The following CSMD1 variants were observed in gnomAD, a reference collection of about 807,000 sequenced individuals.
CSMD1 encodes the protein CUB and Sushi multiple domains 1, also known as CUB and sushi domain-containing protein 1.
In CSMD1, 213 loss-of-function variants were observed where a neutral mutation model predicts 417.5. The observed-to-expected ratio is 0.51, with a 90% CI of 0.46 to 0.57. The LOEUF is 0.57. CSMD1 is among the 20% of genes least tolerant of loss of function. CSMD1 has a pLI of 0.00. For synonymous variants in CSMD1, 2,862 were observed against 1,736.8 expected (o/e 1.65, Z -16.11); for missense variants, 6,923 against 4,529.7 (o/e 1.53, Z -15.17).
At chr8:3,414,699 G>C (rs1349168343) in intron 12 of CSMD1, among the ~76,000 whole-genome samples, 1 of 152,100 alleles carries the variant, frequency 6.6e-6, no homozygotes, top group Non-Finnish European at 1.5e-5. Flanking sequence ...TTTCTCCTAG[G>C]ACATATCTCG....
chr8:3,949,795 C>T (rs1355851091), intron 5 of CSMD1, among the ~76,000 whole-genome samples: 1 of 152,146 alleles, frequency 6.6e-6, no homozygotes, highest in Non-Finnish European at 1.5e-5. Flanking sequence ...TTGCCTCTAA[C>T]ACATGGAAAG....
rs1802702711 is a variant in CSMD1 at position 4,125,370 on chromosome 8, A to T, written c.416-93271T>A. Among the ~76,000 whole-genome samples, 6 of 152,290 alleles carry T rather than the reference A, an allele frequency of 3.9e-5. No individual in the cohort carries two copies. The South Asian group carries it at 1.2e-3, about 32-fold the overall frequency. Reference sequence around the variant, plus strand: ...TGTCTCTCACCTACTTGTGACCTGCAGGTCCCCTCCCTGCTCCAGTTGTCC... The same window carrying T: ...TGTCTCTCACCTACTTGTGACCTGCTGGTCCCCTCCCTGCTCCAGTTGTCC... On this transcript the variant is annotated intron_variant, in intron 3 of 69. Transcript: ENST00000635120.
chr8:3,544,309 C>G (rs1042218440), intron 10 of CSMD1, among the ~76,000 whole-genome samples: 25 of 152,188 alleles, frequency 1.6e-4, no homozygotes, highest in African/African-American at 4.6e-4. Context: ...AATATAGATT[C>G]TTGCAAAATA....
chr8:4,405,159 C>T (rs955097584), intron 3 of CSMD1, among the ~76,000 whole-genome samples: 5 of 152,162 alleles, frequency 3.3e-5, no homozygotes, highest in Admixed American at 6.6e-5. Flanking sequence ...CTCTTACTTC[C>T]TGGAATCCAC....
intron 1 of CSMD1, among the ~76,000 whole-genome samples, chr8:4,666,256 G>A (rs1316799516): frequency 1.3e-5 from 2 of 152,114 alleles, no homozygotes. Context: ...GGTAACAGAT[G>A]GAATCACGGT....
In CSMD1 at chr8:4,846,904, C is replaced by G. The variant is rs1801179155; in HGVS notation, c.85+147428G>C. Among the ~76,000 whole-genome samples the G allele has an allele frequency of 3.3e-5, 5 of 151,982 alleles. No individual in the cohort carries two copies. In the South Asian group the frequency reaches 1.0e-3, roughly 32 times the overall value. On this transcript the variant is annotated intron_variant, in intron 1 of 69. Coordinates refer to ENST00000635120, the MANE Select transcript of CSMD1 (RefSeq NM_033225.6). ...GAATAATAGTGAAACTTACTGGAAA[C>G]TAAAAACCATGTGCTTCTAAAACAG... is the stretch of plus-strand genomic sequence containing the variant.
intron 2 of CSMD1, among the ~76,000 whole-genome samples, chr8:4,425,864 C>G (rs1470682524): frequency 1.3e-5 from 2 of 151,956 alleles, no homozygotes; most frequent in Admixed American, 1.3e-4. Context: ...TACTGATAAA[C>G]TTTGAATATT....
chr8:3,746,465 G>C lies in CSMD1; in HGVS notation c.931+7465C>G, dbSNP rs139001845. Reference sequence around the variant, plus strand: ...ATTTAAAGTGGTTTTATATATAACAGTAAACGTTTGTCATGCATTAATATT... The same window carrying C: ...ATTTAAAGTGGTTTTATATATAACACTAAACGTTTGTCATGCATTAATATT... On this transcript the variant is annotated intron_variant, in intron 6 of 69. Transcript: ENST00000635120. Among the ~76,000 whole-genome samples the C allele has an allele frequency of 1.2e-3, 185 of 152,276 alleles. 1 individual carries two copies. Among genetic ancestry groups the C allele is most frequent in the African/African-American group, 3.8e-3 (159 of 41,556 alleles).
chr8:4,678,056 G>A (rs930449045), intron 1 of CSMD1, among the ~76,000 whole-genome samples: 1 of 151,994 alleles, frequency 6.6e-6, no homozygotes, highest in African/African-American at 2.4e-5. Context: ...AGCACACATG[G>A]ACACACACCC....
At chr8:4,271,839 C>G (rs1288822546) in intron 3 of CSMD1, among the ~76,000 whole-genome samples, 1 of 152,172 alleles carries the variant, frequency 6.6e-6, no homozygotes, top group Non-Finnish European at 1.5e-5. Context: ...CCTGGCAGCG[C>G]TATTTGAAAG....
intron 3 of CSMD1, among the ~76,000 whole-genome samples, chr8:4,132,765 A>G (rs1382696057): frequency 6.6e-6 from 1 of 152,184 alleles, no homozygotes; most frequent in African/African-American, 2.4e-5. Context: ...TGTTCTCTAC[A>G]ATCCGTTTAA....
chr8:3,299,694 G>T (rs1319202007), intron 25 of CSMD1, among the ~76,000 whole-genome samples: 1 of 152,130 alleles, frequency 6.6e-6, no homozygotes, highest in Admixed American at 6.6e-5. Flanking sequence ...AATGCAGGTG[G>T]GAGGTGAAGT....
At chr8:4,824,288 G>A (rs1221935859) in intron 1 of CSMD1, among the ~76,000 whole-genome samples, 1 of 152,066 alleles carries the variant, frequency 6.6e-6, no homozygotes, top group African/African-American at 2.4e-5. Flanking sequence ...AGTTTTTCTT[G>A]GGTACGTATC....
intron 10 of CSMD1, among the ~76,000 whole-genome samples, chr8:3,512,944 G>C (rs1002380754): frequency 1.3e-5 from 2 of 152,026 alleles, no homozygotes; most frequent in South Asian, 2.1e-4. Flanking sequence ...TAACCATAGA[G>C]AGCCACAGAT....
At chr8:4,975,931 T>A (rs1280013055) in intron 1 of CSMD1, among the ~76,000 whole-genome samples, 1 of 152,210 alleles carries the variant, frequency 6.6e-6, no homozygotes, top group Non-Finnish European at 1.5e-5. Flanking sequence ...CCATATGTGA[T>A]AAAACATAAT....
intron 3 of CSMD1, among the ~76,000 whole-genome samples, chr8:4,039,017 T>G (rs983246229): frequency 3.2e-4 from 49 of 151,588 alleles, no homozygotes; most frequent in African/African-American, 1.1e-3. Context: ...GATGTCATAT[T>G]AAGTATCTTT....
chr8:3,764,358 C>G (rs557072155), intron 5 of CSMD1, among the ~76,000 whole-genome samples: 2 of 152,286 alleles, frequency 1.3e-5, no homozygotes, highest in South Asian at 4.1e-4. Flanking sequence ...CTGCTCTAAA[C>G]CACATTACAT....
chr8:3,087,860 T>A (rs1261184599), intron 48 of CSMD1, among the ~76,000 whole-genome samples: 1 of 152,252 alleles, frequency 6.6e-6, no homozygotes, highest in Admixed American at 6.5e-5. Context: ...GATAGGGTAC[T>A]GCACAAGACA....
rs375617804 is a variant in CSMD1, at chr8:3,814,222, G to A, written c.819-60180C>T. On this transcript the variant is annotated intron_variant, in intron 5 of 69. Coordinates refer to ENST00000635120, the MANE Select transcript of CSMD1 (RefSeq NM_033225.6). ...AACATGTTTCCCAGCTCATCAGCTCGTCTGCATTCTGAATAGAAATGCGAT... is the reference window on the plus strand; with the variant it reads ...AACATGTTTCCCAGCTCATCAGCTCATCTGCATTCTGAATAGAAATGCGAT... Among the ~76,000 whole-genome samples the A allele has an allele frequency of 3.4e-4, 51 of 152,232 alleles. 1 individual carries two copies. The highest frequency in any genetic ancestry group is 8.4e-4 in the African/African-American group (35 of 41,538).
Sources: allele counts gnomAD v4.1 joint callset (sites outside exome capture counted in the v4.1 genomes callset), GRCh38; gene constraint gnomAD v4.1.1; transcripts MANE v1.5; gene names NCBI Gene and HGNC (gene_info 2026-07-23, HGNC 2026-07-21).